The following TRPM6 variants were observed in gnomAD, a reference collection of about 807,000 sequenced individuals.
The protein encoded by TRPM6 is channel kinase 2.
TRPM6 carries 111 observed loss-of-function variants against 247.6 expected under a neutral mutation model. The ratio of observed to expected loss-of-function variants is 0.45; its 90% CI spans 0.38 to 0.52. TRPM6 has a LOEUF of 0.52. TRPM6 is among the 20% of genes least tolerant of loss of function. The pLI is 0.00. For synonymous variants in TRPM6, 892 were observed against 853.8 expected (o/e 1.04, Z -0.78); for missense variants, 2,126 against 2,421.5 (o/e 0.88, Z 2.56).
At chr9:74,746,995 AAAGAAGAAGAGCCTC>A (rs369988111) in intron 31 of TRPM6, among the ~76,000 whole-genome samples, 1,779 of 152,296 alleles carry the variant, frequency 0.012, 25 homozygotes, top group African/African-American at 0.041. Context: ...TAGAACAGCC[AAAGAAGAAGAGCCTC>A]AAGGAAACAT....
chr9:74,871,788 TC>T (rs774227313), intron 1 of TRPM6, among the ~76,000 whole-genome samples: 4 of 151,728 alleles, frequency 2.6e-5, no homozygotes, highest in Non-Finnish European at 4.4e-5. Context: ...CAAGCAGTCC[TC>T]CCACCCTCAC....
Position 74,762,431 on chromosome 9 carries a change from G to T in TRPM6, c.4240C>A (p.Leu1414Met). The T allele has an allele frequency of 6.2e-7, 1 of 1,614,202 alleles. No individual in the cohort carries two copies. The highest frequency in any genetic ancestry group is 8.5e-7 in the Non-Finnish European group (1 of 1,180,034). The stretch of plus-strand genomic sequence containing the variant: ...TGCTCTGCCTTGTCTTGTCCATCCA[G>T]TAAGTGAGCAATAGGCTCGTGCTTT... The part of the protein sequence containing the change: ...KEKHEPIAHL[L>M]DGQDKAEQVL... Residue 1414 changes from leucine (L) to methionine (M), a missense_variant, in exon 26 of 39, where the codon CTG becomes ATG. By Grantham distance (15) the Leu-to-Met change is conservative (BLOSUM62 2). Coordinates refer to ENST00000360774, the MANE Select transcript of TRPM6 (RefSeq NM_017662.5).
intron 5 of TRPM6, among the ~76,000 whole-genome samples, chr9:74,836,911 A>G (rs1829743828): frequency 6.6e-6 from 1 of 152,166 alleles, no homozygotes; most frequent in Admixed American, 6.5e-5. Context: ...ATCCTTCCCA[A>G]GACTTCCAAG....
At chr9:74,738,986 G>A (rs1825776932) in intron 35 of TRPM6, among the ~76,000 whole-genome samples, 1 of 152,186 alleles carries the variant, frequency 6.6e-6, no homozygotes, top group Non-Finnish European at 1.5e-5. Flanking sequence ...AAAGTAACAT[G>A]AGTTTATTCT....
At chr9:74,854,244 AAGT>A (rs1587583952) in intron 3 of TRPM6, among the ~76,000 whole-genome samples, 1 of 152,212 alleles carries the variant, frequency 6.6e-6, no homozygotes, top group African/African-American at 2.4e-5. Flanking sequence ...AGAGGTATAA[AAGT>A]AGATGCTTTT....
intron 1 of TRPM6, among the ~76,000 whole-genome samples, chr9:74,863,888 C>CTTTT (rs57621871): frequency 1.7e-4 from 26 of 149,132 alleles, no homozygotes; most frequent in African/African-American, 4.7e-4. Context: ...GCCCGGCAAC[C>CTTTT]TTTTTTTTTT....
chr9:74,827,636 G>A (rs1829386450), intron 7 of TRPM6, 142 bp downstream of exon 7: 11 of 827,298 alleles, frequency 1.3e-5, no homozygotes, highest in Non-Finnish European at 1.9e-5. Context: ...AGATGCCCAT[G>A]TGGGAAGGGG....
In TRPM6 at chr9:74,724,397, G is replaced by C; in HGVS notation, c.*216C>G. On this transcript the variant is annotated 3_prime_UTR_variant, in exon 39 of 39. Transcript: ENST00000360774. ...ATCCAAGCATCTTCGTGTGGAACTT[G>C]AGGATGGAGCTGCAAAGTGCCCTGG... 4 of 609,448 alleles carry C rather than the reference G, an allele frequency of 6.6e-6. No individual in the cohort carries two copies. Among genetic ancestry groups the C allele is most frequent in the Non-Finnish European group, 1.2e-5 (4 of 346,872 alleles). The allele number at this position is 609,448 out of a possible 1,614,324, so 37.8% of individuals were successfully genotyped here. A position where few individuals can be genotyped will look rare whatever the true frequency, so the allele number is the denominator to read the frequency against.
At chr9:74,772,542 T>A (rs189633248) in intron 24 of TRPM6, among the ~76,000 whole-genome samples, 3 of 152,362 alleles carry the variant, frequency 2.0e-5, no homozygotes, top group African/African-American at 4.8e-5. Flanking sequence ...GATAATTTGA[T>A]ACATTCATAT....
chr9:74,812,813 C>T (rs1002593418), intron 11 of TRPM6, among the ~76,000 whole-genome samples: 1 of 151,962 alleles, frequency 6.6e-6, no homozygotes, highest in Non-Finnish European at 1.5e-5. Flanking sequence ...CCAATTGAGC[C>T]CAAGGGGTCA....
At chr9:74,732,151 G>A (rs187619454) in intron 37 of TRPM6, among the ~76,000 whole-genome samples, 1 of 152,160 alleles carries the variant, frequency 6.6e-6, no homozygotes, top group Admixed American at 6.5e-5. Flanking sequence ...TCTCTCTATA[G>A]AATTTAAACT....
At position 74,752,310 on chromosome 9, in the gene TRPM6, T is replaced by G. The variant is rs746747734; in HGVS notation, c.4965A>C (p.Ile1655=). 8 of 1,602,422 alleles carry G rather than the reference T, an allele frequency of 5.0e-6. No homozygotes were observed. The highest frequency in any genetic ancestry group is 6.8e-6 in the Non-Finnish European group (8 of 1,172,104). Residue 1655 remains isoleucine, a synonymous_variant, in exon 29 of 39, where the codon ATA becomes ATC. Coordinates refer to ENST00000360774, the MANE Select transcript of TRPM6 (RefSeq NM_017662.5). The stretch of plus-strand genomic sequence containing the variant: ...ACTGCTTTAGGTAATCACTGATTTG[T>G]ATAGCACATTGTCCAATTTCTTTAG... ...MKTKEIGQCA[I]QISDYLKQSQ...
chr9:74,756,768 G>A (rs1047018204), intron 27 of TRPM6, among the ~76,000 whole-genome samples: 1 of 151,506 alleles, frequency 6.6e-6, no homozygotes, highest in African/African-American at 2.4e-5. Context: ...AGGATCACTT[G>A]AGACTGGGAG....
At position 74,762,453 on chromosome 9, in the gene TRPM6, C is replaced by T; in HGVS notation, c.4218G>A (p.Lys1406=). ...DWASVDEPKE[K]HEPIAHLLDG... ...CCAGTAAGTGAGCAATAGGCTCGTGCTTTTCCTTGGGTTCATCCACTGATG... is the reference window on the plus strand; with the variant it reads ...CCAGTAAGTGAGCAATAGGCTCGTGTTTTTCCTTGGGTTCATCCACTGATG... Residue 1406 remains lysine (K), a synonymous_variant, in exon 26 of 39, where the codon AAG becomes AAA. Transcript: ENST00000360774. 1 of 1,614,176 alleles carries T rather than the reference C, an allele frequency of 6.2e-7. No homozygotes were observed. The highest frequency in any genetic ancestry group is 8.5e-7 in the Non-Finnish European group (1 of 1,180,034).
At chr9:74,869,952 T>G (rs1292822798) in intron 1 of TRPM6, among the ~76,000 whole-genome samples, 1 of 152,210 alleles carries the variant, frequency 6.6e-6, no homozygotes, top group Non-Finnish European at 1.5e-5. Context: ...ATCCATGTTC[T>G]ATAGAAACTG....
chr9:74,872,416 C>T lies in TRPM6; in HGVS notation c.34-13668G>A, dbSNP rs146365346. Among the ~76,000 whole-genome samples the T allele has an allele frequency of 6.5e-3, 989 of 152,248 alleles. 14 individuals carry two copies. The highest frequency in any genetic ancestry group is 0.023 in the African/African-American group (957 of 41,554). ...CCTCCCAAGTAGCTGGGGTTGCAGG[C>T]ATGAGCTGCCATGCCTGTGAGCTCT... On this transcript the variant is annotated intron_variant, in intron 1 of 38. Transcript: ENST00000360774.
chr9:74,804,401 T>C, intron 14 of TRPM6: 1 of 502,890 alleles, frequency 2.0e-6, no homozygotes, highest in Non-Finnish European at 3.6e-6. Context: ...AGCAGGAAGT[T>C]TTCATCAACA....
chr9:74,723,333 G>A lies in TRPM6; in HGVS notation c.*1280C>T, dbSNP rs994731404. 6.6e-6 allele frequency: 1 copy of A among 152,016 alleles called. No homozygotes were observed. Among genetic ancestry groups the A allele is most frequent in the African/African-American group, 2.4e-5 (1 of 41,388 alleles). The allele number at this position is 152,016 out of a possible 1,614,324, so 9.4% of individuals were successfully genotyped here. ...GTCTGAAACCGTATCTTTCTTCATA[G>A]GACCTGACATAAAGTAATTTAACCT... On this transcript the variant is annotated 3_prime_UTR_variant, in exon 39 of 39. Transcript: ENST00000360774.
At chr9:74,810,734 C>A (rs765652243) in intron 13 of TRPM6, 81 bp downstream of exon 13, 1 of 1,325,720 alleles carries the variant, frequency 7.5e-7, no homozygotes, top group Non-Finnish European at 1.1e-6. Flanking sequence ...CTGCATTTTA[C>A]AAAGCAAAAT....
Sources: gnomAD v4.1 joint callset for allele counts (sites outside exome capture counted in the v4.1 genomes callset) on GRCh38, gnomAD v4.1.1 for gene constraint, MANE v1.5 for transcripts, NCBI Gene and HGNC (gene_info 2026-07-23, HGNC 2026-07-21) for gene names.